The following PDE8B variants were observed in gnomAD, a reference collection of about 807,000 sequenced individuals.
The protein encoded by PDE8B is high affinity cAMP-specific and IBMX-insensitive 3',5'-cyclic phosphodiesterase 8B.
Under a neutral mutation model 101.3 loss-of-function variants are expected in PDE8B, and 26 were observed. That is an observed-to-expected ratio of 0.26 (90% CI 0.19 to 0.36). PDE8B has a LOEUF of 0.36. PDE8B is among the 10% of genes least tolerant of loss of function. PDE8B has a pLI of 1.00. For missense variants in PDE8B, 810 were observed against 1,163.1 expected, an observed-to-expected ratio of 0.70 and a Z score of 4.42; for synonymous variants, 424 against 429.3, an observed-to-expected ratio of 0.99 and a Z score of 0.15.
At chr5:77,305,719 T>C (rs1182464962) in intron 1 of PDE8B, among the ~76,000 whole-genome samples, 1 of 152,142 alleles carries the variant, frequency 6.6e-6, no homozygotes, top group African/African-American at 2.4e-5. Flanking sequence ...AAGTTTGGCC[T>C]GAGAATGGAG....
the PDE8B span, among the ~76,000 whole-genome samples, chr5:77,167,918 G>T: frequency 5.3e-5 from 8 of 152,108 alleles, no homozygotes; most frequent in Middle Eastern, 3.4e-3. Flanking sequence ...TACACTAGCT[G>T]GCTTTCACCA....
At chr5:77,358,041 T>TTC (rs1192228179) in intron 10 of PDE8B, among the ~76,000 whole-genome samples, 1 of 152,194 alleles carries the variant, frequency 6.6e-6, no homozygotes, top group Non-Finnish European at 1.5e-5. Flanking sequence ...CCATTTCTGT[T>TTC]TCTCTCATCC....
chr5:77,357,407 TC>T (rs1433730175), intron 10 of PDE8B, among the ~76,000 whole-genome samples: 5 of 152,076 alleles, frequency 3.3e-5, no homozygotes, highest in African/African-American at 1.2e-4. Flanking sequence ...ATGGTCAGCC[TC>T]CCCTAATTAA....
intron 10 of PDE8B, among the ~76,000 whole-genome samples, chr5:77,387,144 A>T (rs1387700010): frequency 6.6e-6 from 1 of 151,692 alleles, no homozygotes; most frequent in African/African-American, 2.4e-5. Context: ...CGGCCGATGT[A>T]GTTTCTTTAT....
Position 77,425,796 on chromosome 5 carries a change from T to C in PDE8B, c.2448T>C (p.Pro816=). 5 of 1,613,626 alleles carry C rather than the reference T, an allele frequency of 3.1e-6. No individual in the cohort carries two copies. The highest frequency in any genetic ancestry group is 4.2e-6 in the Non-Finnish European group (5 of 1,179,490). The change falls in exon 21 of 22, where the codon CCT becomes CCC. Residue 816 remains proline, a synonymous_variant. Coordinates refer to ENST00000264917, the MANE Select transcript of PDE8B (RefSeq NM_003719.5). ...QTDEEKRQGL[P]VVMPVFDRNT... is the part of the protein sequence containing the mutation. ...ATGAAGAGAAGAGACAGGGACTACC[T>C]GTGGTGATGCCAGTGTTTGACCGGA...
chr5:77,097,734 CAT>C, the PDE8B span, among the ~76,000 whole-genome samples: 490 of 26,812 alleles, frequency 0.018, 14 homozygotes, highest in African/African-American at 0.037. Flanking sequence ...TATATATATA[CAT>C]ACATATGACC....
chr5:77,312,105 C>CTTTTT (rs11395504), intron 2 of PDE8B, 52 bp downstream of exon 2: 17 of 871,426 alleles, frequency 2.0e-5, no homozygotes, highest in South Asian at 4.4e-5. Context: ...TTTTTTTTTT[C>CTTTTT]TTTTTTTTTT....
At chr5:77,121,051 G>A in the PDE8B span, among the ~76,000 whole-genome samples, 19,656 of 152,220 alleles carry the variant, frequency 0.13, 1,266 homozygotes, top group East Asian at 0.16. Context: ...GTTACTCATT[G>A]CTGCTTAACA....
At chr5:77,256,815 AAAG>A (rs1246167293) in intron 1 of PDE8B, among the ~76,000 whole-genome samples, 2 of 152,212 alleles carry the variant, frequency 1.3e-5, no homozygotes, top group Admixed American at 6.5e-5. Flanking sequence ...TCAAACCAAA[AAAG>A]AGTTGAAGCA....
intron 1 of PDE8B, among the ~76,000 whole-genome samples, chr5:77,263,638 T>C (rs990001987): frequency 5.9e-5 from 9 of 152,238 alleles, no homozygotes; most frequent in Admixed American, 1.3e-4. Flanking sequence ...AGACGTCTTA[T>C]CAGGTTATTG....
chr5:77,214,926 T>C (rs1749328992), intron 1 of PDE8B, among the ~76,000 whole-genome samples: 1 of 152,122 alleles, frequency 6.6e-6, no homozygotes, highest in Admixed American at 6.5e-5. Context: ...TTTACAGTGG[T>C]GAATTAAATT....
the PDE8B span, among the ~76,000 whole-genome samples, chr5:77,179,625 T>TG: frequency 4.6e-5 from 7 of 152,198 alleles, no homozygotes; most frequent in South Asian, 6.2e-4. Context: ...GGGATTTGGG[T>TG]GGGGGGCGGC....
chr5:77,420,602 T>A (rs746972757), intron 19 of PDE8B, among the ~76,000 whole-genome samples: 1 of 152,096 alleles, frequency 6.6e-6, no homozygotes, highest in African/African-American at 2.4e-5. Context: ...AGTAAGGAGA[T>A]GAACTGTGTA....
At chr5:77,424,805 GGTTCT>G (rs1395201191) in intron 20 of PDE8B, among the ~76,000 whole-genome samples, 3 of 145,638 alleles carry the variant, frequency 2.1e-5, no homozygotes, top group Admixed American at 1.4e-4. Context: ...AAGTGAAACT[GGTTCT>G]GTTTTTTTGT....
chr5:77,253,266 C>T (rs1028658944), intron 1 of PDE8B, among the ~76,000 whole-genome samples: 8 of 152,066 alleles, frequency 5.3e-5, no homozygotes, highest in Non-Finnish European at 7.4e-5. Context: ...GGTAAAGGAT[C>T]GTAGTAATCA....
chr5:77,259,064 A>ACC, intron 1 of PDE8B, among the ~76,000 whole-genome samples: 1 of 82,800 alleles, frequency 1.2e-5, no homozygotes, highest in African/African-American at 4.9e-5. Flanking sequence ...ACACACACAC[A>ACC]CACACCCCCG....
chr5:77,275,210 A>T (rs1353591065), intron 1 of PDE8B, among the ~76,000 whole-genome samples: 2 of 152,070 alleles, frequency 1.3e-5, no homozygotes, highest in South Asian at 4.2e-4. Flanking sequence ...AAAAGAAAAA[A>T]TATATATACT....
chr5:77,386,324 C>A (rs574819975), intron 10 of PDE8B, among the ~76,000 whole-genome samples: 6 of 152,230 alleles, frequency 3.9e-5, no homozygotes, highest in Non-Finnish European at 7.4e-5. Flanking sequence ...TCAAGTCCTG[C>A]ATATCCTTGT....
chr5:77,400,463 T>C (rs1792033391), intron 11 of PDE8B, among the ~76,000 whole-genome samples, 173 bp downstream of exon 11: 1 of 152,216 alleles, frequency 6.6e-6, no homozygotes, highest in Admixed American at 6.5e-5. Flanking sequence ...AGAAATCCCT[T>C]AAAATGTCCT....
Sources: allele counts gnomAD v4.1 joint callset (sites outside exome capture counted in the v4.1 genomes callset), GRCh38; gene constraint gnomAD v4.1.1; transcripts MANE v1.5; gene names NCBI Gene and HGNC (gene_info 2026-07-23, HGNC 2026-07-21).